ATG13: variants seen among roughly 807,000 people sequenced by gnomAD.
ATG13 encodes autophagy related 13, also known as autophagy-related protein 13.
A neutral mutation model predicts 65.5 loss-of-function variants in ATG13; 23 were observed. The observed-to-expected ratio is 0.35, with a 90% CI of 0.25 to 0.50. The LOEUF (loss-of-function observed/expected upper bound fraction) is 0.50, where lower values mean the gene tolerates loss of function less well. ATG13 is among the 20% of genes least tolerant of loss of function. The pLI is 0.98. For synonymous variants in ATG13, 252 were observed against 245.2 expected (o/e 1.03, Z -0.26); for missense variants, 566 against 677.0 (o/e 0.84, Z 1.82).
intron 13 of ATG13, among the ~76,000 whole-genome samples, 177 bp downstream of exon 13, chr11:46,665,136 A>T (rs962388637): frequency 1.3e-5 from 2 of 152,238 alleles, no homozygotes; most frequent in African/African-American, 4.8e-5. Flanking sequence ...CTTAGACTTC[A>T]GAAAGGAAAG....
intron 18 of ATG13, among the ~76,000 whole-genome samples, chr11:46,671,619 GGCTACTCAA>G (rs2063748727): frequency 6.6e-6 from 1 of 152,144 alleles, no homozygotes; most frequent in South Asian, 2.1e-4. Flanking sequence ...CGCCTCAGGA[GGCTACTCAA>G]GCTACTCAGG....
rs199576150 is a variant in ATG13, at chr11:46,644,585, AT to A, written c.69+239del. ...CCACAGCTACTTGTTCAAAAAAAAA[AT>A]TTTTTTTTTTTTTGCAAGTCTGTTT... On this transcript the variant is annotated intron_variant, in intron 3 of 18. Transcript: ENST00000683050. Among the ~76,000 whole-genome samples the A allele has an allele frequency of 8.5e-3, 1,227 of 143,888 alleles. 4 individuals carry two copies. The highest frequency in any genetic ancestry group is 0.013 in the Non-Finnish European group (845 of 65,392). The allele number at this position is 143,888 out of a possible 152,430, so 94.4% of individuals were successfully genotyped here.
At chr11:46,664,378 A>G (rs2061828191) in intron 12 of ATG13, among the ~76,000 whole-genome samples, 1 of 152,098 alleles carries the variant, frequency 6.6e-6, no homozygotes, top group Non-Finnish European at 1.5e-5. Context: ...TCTTTTTTCA[A>G]TATAAATAGC....
chr11:46,648,876 C>A, intron 5 of ATG13: 1 of 256,200 alleles, frequency 3.9e-6, no homozygotes, highest in Non-Finnish European at 7.3e-6. Context: ...TGGTGGGATA[C>A]TGTGGAACCA....
intron 13 of ATG13, 35 bp from the exon 14 acceptor site, chr11:46,665,348 C>T: frequency 6.2e-7 from 1 of 1,603,084 alleles, no homozygotes; most frequent in Non-Finnish European, 8.5e-7. Context: ...CCTGGCATGC[C>T]ATGATTCACT....
chr11:46,665,434 G>A lies in ATG13; in HGVS notation c.1051G>A (p.Val351Ile), dbSNP rs771156771. The A allele has an allele frequency of 9.3e-6, 15 of 1,614,070 alleles. No individual in the cohort carries two copies. The highest frequency in any genetic ancestry group is 1.3e-5 in the Non-Finnish European group (15 of 1,180,048). ...GGTACCCCTTGCTCCCAACCAGCCT[G>A]TCCATGGTACCCAGGCTGACCAGGA... ...GGVPLAPNQP[V>I]HGTQADQERL... The change falls in exon 14 of 19, where the codon GTC becomes ATC. Residue 351 changes from valine (V) to isoleucine (I), a missense_variant. Val to Ile is a conservative substitution (Grantham distance 29). Coordinates refer to ENST00000683050, the MANE Select transcript of ATG13 (RefSeq NM_001346311.2).
chr11:46,617,714 A>T lies in ATG13; in HGVS notation c.-246A>T, dbSNP rs2045741780. On this transcript the variant is annotated 5_prime_UTR_variant, in exon 1 of 19. Transcript: ENST00000683050. ...CAACTCGCGGAGTCTTAGGAGCAAA[A>T]CGTCTGGGGCCTGCGAGCCAGGACC... 2.5e-6 allele frequency: 1 copy of T among 397,270 alleles called. No homozygotes were observed. The highest frequency in any genetic ancestry group is 1.4e-4 in the South Asian group (1 of 7,188). The allele number at this position is 397,270 out of a possible 1,614,324, so 24.6% of individuals were successfully genotyped here.
intron 2 of ATG13, among the ~76,000 whole-genome samples, chr11:46,639,361 G>C (rs560718432): frequency 5.5e-4 from 83 of 152,246 alleles, no homozygotes; most frequent in Non-Finnish European, 1.1e-3. Context: ...TGGGCCAATT[G>C]TCATAGTGGT....
At chr11:46,623,562 G>A (rs1190707956) in intron 1 of ATG13, among the ~76,000 whole-genome samples, 3 of 151,834 alleles carry the variant, frequency 2.0e-5, no homozygotes, top group Non-Finnish European at 2.9e-5. Flanking sequence ...CAAGTAGCTG[G>A]GATTACAGGT....
In ATG13 at chr11:46,657,580, G is replaced by A. The variant is rs780215956; in HGVS notation, c.653G>A (p.Arg218His). 88 of 1,612,642 alleles carry A rather than the reference G, an allele frequency of 5.5e-5. 1 individual carries two copies. In the Admixed American group the frequency reaches 9.2e-4, roughly 17 times the overall value. ...MGIIIDHFVD[R>H]PYPSSSPMHP... ...ATTATTATTGATCACTTTGTGGACC[G>A]TCCCTATCCCAGCTCCTCTCCCATG... Residue 218 changes from arginine to histidine, a missense_variant, in exon 10 of 19, where the codon CGT (arginine) becomes CAT (histidine). By Grantham distance (29) the Arg-to-His change is conservative (BLOSUM62 0). Around this residue, in one of 2 missense-constraint regions of ATG13, gnomAD observed 179 missense variants for 267.2 expected, o/e 0.67. Transcript: ENST00000683050.
intron 2 of ATG13, among the ~76,000 whole-genome samples, chr11:46,642,301 T>C (rs866545264): frequency 1.3e-4 from 15 of 112,160 alleles, no homozygotes; most frequent in African/African-American, 4.6e-4. Context: ...TTTATTTTTG[T>C]GGGTTTTTTT....
intron 2 of ATG13, among the ~76,000 whole-genome samples, chr11:46,642,899 C>A (rs375279953): frequency 5.9e-5 from 9 of 152,188 alleles, no homozygotes; most frequent in Admixed American, 4.6e-4. Flanking sequence ...GGTCTGGCCC[C>A]AACCAGCTGT....
intron 1 of ATG13, among the ~76,000 whole-genome samples, chr11:46,625,603 C>T (rs943980046): frequency 2.0e-5 from 3 of 152,124 alleles, no homozygotes; most frequent in Admixed American, 1.3e-4. Context: ...CCCATCCCCC[C>T]AGGTGGTTCA....
At chr11:46,635,707 G>T (rs2053699074) in intron 2 of ATG13, among the ~76,000 whole-genome samples, 1 of 152,180 alleles carries the variant, frequency 6.6e-6, no homozygotes, top group South Asian at 2.1e-4. Context: ...TGGTTAACTG[G>T]ACCTAAGGGA....
Position 46,669,500 on chromosome 11 carries a change from G to A in ATG13, c.1543G>A (p.Asp515Asn). The A allele has an allele frequency of 6.2e-7, 1 of 1,614,100 alleles. No individual in the cohort carries two copies. The highest frequency in any genetic ancestry group is 8.5e-7 in the Non-Finnish European group (1 of 1,179,988). ...ACCTCAGCTGAGCAGCCTCTCCATAGATATTGGAGCACAGTCCATGGCTGA... is the reference window on the plus strand; with the variant it reads ...ACCTCAGCTGAGCAGCCTCTCCATAAATATTGGAGCACAGTCCATGGCTGA... ...NPPQLSSLSI[D>N]IGAQSMAEDL... Residue 515 changes from aspartate (D) to asparagine (N), a missense_variant, in exon 18 of 19, where the codon GAT (aspartate) becomes AAT (asparagine). This residue lies in a region of ATG13 where 387 missense variants were observed against 409.8 expected (regional missense o/e 0.94). Transcript: ENST00000683050.
intron 2 of ATG13, among the ~76,000 whole-genome samples, chr11:46,634,087 G>C (rs897049834): frequency 1.3e-5 from 2 of 151,792 alleles, no homozygotes; most frequent in African/African-American, 4.8e-5. Context: ...AGCTGAGTTT[G>C]CCTGGGATTT....
intron 5 of ATG13, among the ~76,000 whole-genome samples, chr11:46,648,391 T>C (rs1352532491): frequency 6.6e-6 from 1 of 152,170 alleles, no homozygotes; most frequent in Admixed American, 6.5e-5. Context: ...GAAGTTTTAG[T>C]CTCAAGGTTG....
At chr11:46,650,103 TTAA>T (rs1361827971) in intron 6 of ATG13, 71 bp from the exon 7 acceptor site, 40 of 1,522,994 alleles carry the variant, frequency 2.6e-5, no homozygotes, top group Non-Finnish European at 3.3e-5. Context: ...AGAACATGTC[TTAA>T]TAATAAATTT....
At chr11:46,633,177 A>C (rs1460410460) in intron 2 of ATG13, among the ~76,000 whole-genome samples, 5 of 149,776 alleles carry the variant, frequency 3.3e-5, no homozygotes. Flanking sequence ...GGCGCCTGCC[A>C]CCATGCCTGG....
Sources: allele counts gnomAD v4.1 joint callset (sites outside exome capture counted in the v4.1 genomes callset), GRCh38; gene constraint gnomAD v4.1.1; regional missense constraint gnomAD v4.1.1; transcripts MANE v1.5; gene names NCBI Gene and HGNC (gene_info 2026-07-23, HGNC 2026-07-21).